CSMD2: variants seen among roughly 807,000 people sequenced by gnomAD.
CSMD2 encodes the protein CUB and sushi domain-containing protein 2.
A neutral mutation model predicts 398.5 loss-of-function variants in CSMD2; 130 were observed. That is an observed-to-expected ratio of 0.33 (90% CI 0.28 to 0.38). CSMD2 has a LOEUF of 0.38. Among genes scored for constraint, CSMD2 ranks in the 10% least tolerant of loss-of-function variants. The pLI, the probability that CSMD2 is intolerant of heterozygous loss-of-function variation, is 1.00. For synonymous variants in CSMD2, 1,828 were observed against 1,908.5 expected, an observed-to-expected ratio of 0.96 and a Z score of 1.10; for missense variants, 3,829 against 4,764.9, an observed-to-expected ratio of 0.80 and a Z score of 5.78.
At chr1:34,009,774 C>T (rs1041210867) in intron 3 of CSMD2, among the ~76,000 whole-genome samples, 4 of 152,106 alleles carry the variant, frequency 2.6e-5, no homozygotes, top group African/African-American at 2.4e-5. Flanking sequence ...CTTCCTCCTA[C>T]CCCCACTCCC....
At chr1:33,759,651 A>G (rs1649560197) in intron 13 of CSMD2, among the ~76,000 whole-genome samples, 1 of 152,066 alleles carries the variant, frequency 6.6e-6, no homozygotes, top group Non-Finnish European at 1.5e-5. Context: ...AGTCAGTGAC[A>G]AGTAAGAAAA....
At chr1:33,967,848 A>C (rs1373573246) in intron 3 of CSMD2, among the ~76,000 whole-genome samples, 1 of 152,174 alleles carries the variant, frequency 6.6e-6, no homozygotes, top group Non-Finnish European at 1.5e-5. Context: ...GAGATGAAGG[A>C]AGGAGGGCTT....
Position 33,633,338 on chromosome 1 carries a change from G to A in CSMD2, c.5200+84C>T. On this transcript the variant is annotated intron_variant, in intron 32 of 70. Transcript: ENST00000373381. This position sits in a 1 kb window ranked among gnomAD's most constrained non-coding sequence, Gnocchi z 5.0. Reference sequence around the variant, plus strand: ...CCGTAGGGTTCCACCTGCGGCCATGGGGTGCTTCTAGAGCCTCCTTCCTTT... The same window carrying A: ...CCGTAGGGTTCCACCTGCGGCCATGAGGTGCTTCTAGAGCCTCCTTCCTTT... 1 of 994,544 alleles carries A rather than the reference G, an allele frequency of 1.0e-6. No homozygotes were observed. Among genetic ancestry groups the A allele is most frequent in the South Asian group, 1.4e-5 (1 of 71,118 alleles). 61.6% of individuals were successfully genotyped at this position (994,544 alleles called of 1,614,324 possible). A position where few individuals can be genotyped will look rare whatever the true frequency, so the allele number is the denominator to read the frequency against.
chr1:33,616,182 C>T (rs781762577), intron 39 of CSMD2, among the ~76,000 whole-genome samples: 16 of 152,230 alleles, frequency 1.1e-4, no homozygotes, highest in African/African-American at 3.6e-4. Flanking sequence ...GGGTAAGGGA[C>T]GAAGCCAAGT....
At chr1:33,617,434 G>A (rs1034844073) in intron 38 of CSMD2, 65 bp downstream of exon 38, 1 of 1,261,004 alleles carries the variant, frequency 7.9e-7, no homozygotes, top group South Asian at 1.2e-5. Context: ...CTCTGCTGGT[G>A]TAAGGCTGGC....
intron 2 of CSMD2, among the ~76,000 whole-genome samples, chr1:34,061,445 C>T (rs1303861161): frequency 6.6e-6 from 1 of 152,096 alleles, no homozygotes; most frequent in Non-Finnish European, 1.5e-5. Flanking sequence ...AGACCATGCC[C>T]CTGGCTCCTC....
At chr1:34,046,977 T>C (rs773000799) in intron 2 of CSMD2, among the ~76,000 whole-genome samples, 2 of 152,166 alleles carry the variant, frequency 1.3e-5, no homozygotes, top group Non-Finnish European at 2.9e-5. Flanking sequence ...GTCTTCCTAC[T>C]TTCCTCCTAG....
intron 53 of CSMD2, among the ~76,000 whole-genome samples, chr1:33,560,897 A>G (rs1299692075): frequency 6.6e-6 from 1 of 152,226 alleles, no homozygotes; most frequent in Non-Finnish European, 1.5e-5. Flanking sequence ...AAGTGCATGA[A>G]TGGATGGATG....
chr1:33,789,286 G>A (rs1227120476), intron 11 of CSMD2, among the ~76,000 whole-genome samples: 1 of 152,184 alleles, frequency 6.6e-6, no homozygotes, highest in African/African-American at 2.4e-5. Context: ...TTTAAGCATG[G>A]GTGTGGGGGC....
intron 3 of CSMD2, among the ~76,000 whole-genome samples, chr1:34,003,601 C>T (rs1227530902): frequency 6.6e-6 from 1 of 152,196 alleles, no homozygotes; most frequent in Non-Finnish European, 1.5e-5. Context: ...TCTCTGGCTT[C>T]TTCCTTCTTT....
chr1:33,812,161 G>A (rs1656936519), intron 9 of CSMD2, among the ~76,000 whole-genome samples: 1 of 152,106 alleles, frequency 6.6e-6, no homozygotes, highest in Admixed American at 6.5e-5. Context: ...CCTACTATGG[G>A]CCAGGAAAAG....
chr1:33,583,532 TG>T, intron 47 of CSMD2, 109 bp downstream of exon 47: 1 of 1,088,338 alleles, frequency 9.2e-7, no homozygotes, highest in Non-Finnish European at 1.4e-6. Flanking sequence ...GGACATCCTG[TG>T]GAGCTTCTGG....
intron 15 of CSMD2, among the ~76,000 whole-genome samples, chr1:33,738,510 G>A (rs1451474947): frequency 2.6e-5 from 4 of 152,132 alleles, no homozygotes; most frequent in African/African-American, 9.7e-5. Context: ...GTAGTTTGGT[G>A]GAACAGATGG....
At chr1:33,703,091 T>C (rs1320081950) in intron 22 of CSMD2, among the ~76,000 whole-genome samples, 1 of 152,208 alleles carries the variant, frequency 6.6e-6, no homozygotes, top group Admixed American at 6.5e-5. Flanking sequence ...TTAGCTACTG[T>C]AGCTTTACAA....
intron 3 of CSMD2, among the ~76,000 whole-genome samples, chr1:33,968,942 G>A (rs1558177476): frequency 6.6e-6 from 1 of 152,194 alleles, no homozygotes; most frequent in Non-Finnish European, 1.5e-5. Context: ...TACTTTTTCA[G>A]GCCTCTGCTA....
intron 45 of CSMD2, 28 bp downstream of exon 45, chr1:33,587,060 C>T: frequency 6.4e-7 from 1 of 1,558,234 alleles, no homozygotes; most frequent in Non-Finnish European, 8.7e-7. Flanking sequence ...CCTGGGTTCA[C>T]AGTCCTTGCT....
intron 14 of CSMD2, among the ~76,000 whole-genome samples, chr1:33,739,878 T>C (rs1192806393): frequency 2.0e-5 from 3 of 152,172 alleles, no homozygotes; most frequent in African/African-American, 2.4e-5. Flanking sequence ...TCCTTGCCTA[T>C]TGTCAGGGCT....
At chr1:33,861,270 A>G (rs946654902) in intron 5 of CSMD2, 1 of 151,984 alleles carries the variant, frequency 6.6e-6, no homozygotes, top group Non-Finnish European at 1.5e-5. Context: ...CAGATTTACG[A>G]CCCCCAGCTT....
At chr1:33,907,743 G>C (rs957996320) in intron 5 of CSMD2, among the ~76,000 whole-genome samples, 2 of 152,178 alleles carry the variant, frequency 1.3e-5, no homozygotes, top group African/African-American at 4.8e-5. Context: ...TCATCGGACT[G>C]TCATTGCTAG....
Sources: allele counts gnomAD v4.1 joint callset (sites outside exome capture counted in the v4.1 genomes callset), GRCh38; gene constraint gnomAD v4.1.1; non-coding constraint Gnocchi (gnomAD v3.1); transcripts MANE v1.5; gene names NCBI Gene and HGNC (gene_info 2026-07-23, HGNC 2026-07-21).